DICER1: variants seen among roughly 807,000 people sequenced by gnomAD.
DICER1 encodes the protein endoribonuclease Dicer.
DICER1 carries 43 observed loss-of-function variants against 194.1 expected under a neutral mutation model. The observed-to-expected ratio is 0.22, with a 90% CI of 0.17 to 0.29. The LOEUF (loss-of-function observed/expected upper bound fraction) is 0.29. DICER1 is among the 10% of genes least tolerant of loss of function. The pLI, the probability that DICER1 is intolerant of heterozygous loss-of-function variation, is 1.00. For missense variants in DICER1, 1,608 were observed against 2,317.0 expected (o/e 0.69, Z 6.28); for synonymous variants, 832 against 820.5 (o/e 1.01, Z -0.24).
At chr14:95,143,174 A>T (rs1595493815) in intron 1 of DICER1, among the ~76,000 whole-genome samples, 1 of 152,224 alleles carries the variant, frequency 6.6e-6, no homozygotes, top group African/African-American at 2.4e-5. Flanking sequence ...AAAAAAATGT[A>T]TGAAGCACTT....
chr14:95,141,077 G>A (rs936839628), intron 1 of DICER1: 1 of 151,876 alleles, frequency 6.6e-6, no homozygotes, highest in African/African-American at 2.4e-5. Context: ...GTATTTTATA[G>A]AAAAATGAAA....
Position 95,108,498 on chromosome 14 carries a change from T to C in DICER1, c.2262A>G (p.Pro754=), listed in dbSNP as rs751563281. The C allele has an allele frequency of 1.1e-5, 17 of 1,613,980 alleles. No individual in the cohort carries two copies. The highest frequency in any genetic ancestry group is 1.7e-5 in the Admixed American group (1 of 60,012). Residue 754 remains proline, a synonymous_variant, in exon 15 of 27, where the codon CCA becomes CCG. Coordinates refer to ENST00000343455, the MANE Select transcript of DICER1 (RefSeq NM_177438.3). ...TGGGATAACTATCCCTCAAACACTC[T>C]GGAATCTAGAGTTGGAAAGGAAAAT... ...KRRQCYPKAI[P]ECLRDSYPRP... is the part of the protein sequence containing the mutation.
At chr14:95,109,879 T>C (rs1485766370) in intron 14 of DICER1, among the ~76,000 whole-genome samples, 1 of 152,252 alleles carries the variant, frequency 6.6e-6, no homozygotes, top group African/African-American at 2.4e-5. Context: ...AGAGACCACA[T>C]TCACATAACT....
At position 95,089,577 on chromosome 14, in the gene DICER1, G is replaced by A. The variant is rs1231274015; in HGVS notation, c.*921C>T. 4.3e-6 allele frequency: 1 copy of A among 231,752 alleles called. No individual in the cohort carries two copies. The highest frequency in any genetic ancestry group is 6.1e-5 in the East Asian group (1 of 16,336). The allele number at this position is 231,752 out of a possible 1,614,324, so 14.4% of individuals were successfully genotyped here. ...GGAACTACCTGGCAGGAGGACTTTA[G>A]TAAAATGGGGTGTTTAGCCAAAGAT... On this transcript the variant is annotated 3_prime_UTR_variant, in exon 27 of 27. Transcript: ENST00000343455.
intron 1 of DICER1, among the ~76,000 whole-genome samples, chr14:95,149,240 G>T (rs1375431476): frequency 6.6e-6 from 1 of 152,162 alleles, no homozygotes; most frequent in Non-Finnish European, 1.5e-5. Context: ...CTAAAGGGAG[G>T]TCAATCCAGA....
At chr14:95,133,214 G>T in intron 2 of DICER1, 101 bp downstream of exon 2, 1 of 1,184,506 alleles carries the variant, frequency 8.4e-7, no homozygotes, top group Non-Finnish European at 1.3e-6. Flanking sequence ...GAAGTGGGAG[G>T]CCTGAAAGGG....
At position 95,124,004 on chromosome 14, in the gene DICER1, A is replaced by G. The variant is rs886738280; in HGVS notation, c.1376+192T>C. On this transcript the variant is annotated intron_variant, in intron 8 of 26. Transcript: ENST00000343455. The surrounding 1 kb of genome is among the most constrained non-coding windows in gnomAD (Gnocchi z 4.5). ...CCTTTAAGAAAAAAATATCAGCCAT[A>G]TGAAAAGCAGCCTTCTGGAAAACAT... Among the ~76,000 whole-genome samples, 1 of 152,216 alleles carries G rather than the reference A, an allele frequency of 6.6e-6. No individual in the cohort carries two copies. Among genetic ancestry groups the G allele is most frequent in the African/African-American group, 2.4e-5 (1 of 41,446 alleles).
chr14:95,149,209 T>C (rs1031550058), intron 1 of DICER1, among the ~76,000 whole-genome samples: 2 of 152,154 alleles, frequency 1.3e-5, no homozygotes, highest in Non-Finnish European at 2.9e-5. Flanking sequence ...TTTTAAGATA[T>C]ATAACATGAA....
At chr14:95,121,550 A>G (rs1198545597) in intron 8 of DICER1, among the ~76,000 whole-genome samples, 1 of 152,152 alleles carries the variant, frequency 6.6e-6, no homozygotes, top group Admixed American at 6.5e-5. Flanking sequence ...GTTATTAGGA[A>G]AAAAAGGGGG....
chr14:95,132,799 C>CAA lies in DICER1; in HGVS notation c.145-124_145-123dup, dbSNP rs149205966. 444 of 912,448 alleles carry CAA rather than the reference C, an allele frequency of 4.9e-4. 2 individuals are homozygous for CAA. In the African/African-American group the frequency reaches 6.8e-3, roughly 14 times the overall value. The allele number at this position is 912,448 out of a possible 1,614,324, so 56.5% of individuals were successfully genotyped here. A position where few individuals can be genotyped will look rare whatever the true frequency, so the allele number is the denominator to read the frequency against. On this transcript the variant is annotated intron_variant, in intron 2 of 26. Transcript: ENST00000343455. ...CTAAAATCGTCCTCCAATAAATTTA[C>CAA]AAAAAAAACCCCACAGTCTACGTCT... is the stretch of plus-strand genomic sequence containing the variant.
intron 11 of DICER1, among the ~76,000 whole-genome samples, chr14:95,113,944 G>C (rs149212466): frequency 4.2e-4 from 64 of 152,318 alleles, no homozygotes; most frequent in African/African-American, 1.4e-3. Context: ...TGAGGACAAT[G>C]GGAGCCAAAT....
In DICER1 at chr14:95,111,332, C is replaced by T. The variant is rs764781000; in HGVS notation, c.2241G>A (p.Gln747=). 3 of 1,614,216 alleles carry T rather than the reference C, an allele frequency of 1.9e-6. No individual in the cohort carries two copies. Among genetic ancestry groups the T allele is most frequent in the East Asian group, 2.2e-5 (1 of 44,888 alleles). ...CAATACTAACTGCTTTTGGGTAGCA[C>T]TGCCTTCGTTTCGTGGAACCTGGTC... ...PGRPGSTKRR[Q]CYPKAIPECL... The change falls in exon 14 of 27, where the codon CAG becomes CAA. Residue 747 remains glutamine, a synonymous_variant. Coordinates refer to ENST00000343455, the MANE Select transcript of DICER1 (RefSeq NM_177438.3).
chr14:95,100,495 A>C (rs1890780995), intron 21 of DICER1, among the ~76,000 whole-genome samples: 1 of 152,224 alleles, frequency 6.6e-6, no homozygotes, highest in South Asian at 2.1e-4. Context: ...CCTTTGTTTT[A>C]CAGCCATTTC....
rs1889460350 is a variant in DICER1, at chr14:95,087,828, A to G, written c.*2670T>C. 1 of 233,200 alleles carries G rather than the reference A, an allele frequency of 4.3e-6. No homozygotes were observed. The highest frequency in any genetic ancestry group is 8.5e-6 in the Non-Finnish European group (1 of 118,044). 14.4% of individuals were successfully genotyped at this position (233,200 alleles called of 1,614,324 possible). A position where few individuals can be genotyped will look rare whatever the true frequency, so the allele number is the denominator to read the frequency against. ...CGTGCTCAGGGCACAACCACACCCC[A>G]CTGGTAGGTTTTCCATATTACATTC... On this transcript the variant is annotated 3_prime_UTR_variant, in exon 27 of 27. Transcript: ENST00000343455.
At chr14:95,109,831 C>T (rs1002119710) in intron 14 of DICER1, among the ~76,000 whole-genome samples, 4 of 152,180 alleles carry the variant, frequency 2.6e-5, no homozygotes, top group African/African-American at 7.2e-5. Context: ...AGGTCAGTCA[C>T]GGTCCAATAA....
At chr14:95,129,673 G>A (rs1334959726) in intron 5 of DICER1, 41 bp from the exon 6 acceptor site, 8 of 1,571,112 alleles carry the variant, frequency 5.1e-6, no homozygotes, top group Non-Finnish European at 7.0e-6. Context: ...ACTTCATTTT[G>A]CAAGGCTATA....
At chr14:95,153,643 C>T (rs746562200) in intron 1 of DICER1, among the ~76,000 whole-genome samples, 10 of 152,214 alleles carry the variant, frequency 6.6e-5, no homozygotes, top group Non-Finnish European at 1.0e-4. Context: ...ACTCACCTTT[C>T]CTTGCCCCAA....
In DICER1 at chr14:95,149,655, T is replaced by C. The variant is rs149770065; in HGVS notation, c.-46+7575A>G. On this transcript the variant is annotated intron_variant, in intron 1 of 26. Transcript: ENST00000343455. ...ACTCACATTCATATTACATAGTTCATGATTTGTTTGATTTTCACGTTACTG... is the reference window on the plus strand; with the variant it reads ...ACTCACATTCATATTACATAGTTCACGATTTGTTTGATTTTCACGTTACTG... Among the ~76,000 whole-genome samples the C allele has an allele frequency of 3.8e-4, 58 of 152,340 alleles. 1 individual carries two copies. In the East Asian group the frequency reaches 0.011, roughly 28 times the overall value.
In DICER1 at chr14:95,087,127, T is replaced by C. The variant is rs1397352046; in HGVS notation, c.*3371A>G. 1 of 233,122 alleles carries C rather than the reference T, an allele frequency of 4.3e-6. No individual in the cohort carries two copies. Among genetic ancestry groups the C allele is most frequent in the African/African-American group, 2.2e-5 (1 of 45,310 alleles). The allele number at this position is 233,122 out of a possible 1,614,324, so 14.4% of individuals were successfully genotyped here. On this transcript the variant is annotated 3_prime_UTR_variant, in exon 27 of 27. Coordinates refer to ENST00000343455, the MANE Select transcript of DICER1 (RefSeq NM_177438.3). ...TGATCCTCTGCAGTGCCCACCTGCC[T>C]CCAGGGAGCGACTGAAGAAGCCGAC...
Sources: allele counts gnomAD v4.1 joint callset (sites outside exome capture counted in the v4.1 genomes callset), GRCh38; gene constraint gnomAD v4.1.1; non-coding constraint Gnocchi (gnomAD v3.1); transcripts MANE v1.5; gene names NCBI Gene and HGNC (gene_info 2026-07-23, HGNC 2026-07-21).